Variants in ABCA8 observed in about 807,000 individuals in gnomAD.
ABCA8 encodes ATP binding cassette subfamily A member 8, also known as ABC-type organic anion transporter ABCA8.
In ABCA8, 177 loss-of-function variants were observed where a neutral mutation model predicts 192.3. The observed-to-expected ratio is 0.92, with a 90% CI of 0.81 to 1.04. ABCA8 has a LOEUF of 1.04. Among genes scored for constraint, ABCA8 ranks in the 50% least tolerant of loss-of-function variants. ABCA8 has a pLI of 0.00. For synonymous variants in ABCA8, 642 were observed against 690.2 expected (o/e 0.93, Z 1.09); for missense variants, 1,915 against 1,904.8 (o/e 1.01, Z -0.10).
At chr17:68,884,005 A>C (rs376979879) in intron 28 of ABCA8, 123 bp from the exon 29 acceptor site, 2 of 684,254 alleles carry the variant, frequency 2.9e-6, no homozygotes, top group South Asian at 2.0e-5. Flanking sequence ...CAAACTCCTA[A>C]TAACCTATCC....
rs1372564774 is a variant in ABCA8, at chr17:68,894,988, CTG to C, written c.2788_2789del (p.Gln930ValfsTer17). On this transcript the variant is annotated frameshift_variant, in exon 22 of 40. Coordinates refer to ENST00000586539, the MANE Select transcript of ABCA8 (RefSeq NM_001288985.2). LOFTEE classifies it high-confidence loss of function. Reference protein sequence around the residue: ...KTGASIDDFIQSVEHQNIALE... With the variant: ...KTGASIDDFIXSVEHQNIALE... ...AAGCTATGTTCTGGTGCTCCACAGA[CTG>C]TATAAAGTCATCAATGCTTGCCCCT... 1 of 1,612,494 alleles carries C rather than the reference CTG, an allele frequency of 6.2e-7. No individual in the cohort carries two copies. The highest frequency in any genetic ancestry group is 8.5e-7 in the Non-Finnish European group (1 of 1,179,442).
rs778129655 is a variant in ABCA8 at position 68,932,441 on chromosome 17, A to G, written c.644T>C (p.Ile215Thr). The G allele has an allele frequency of 1.2e-6, 2 of 1,614,146 alleles. No individual in the cohort carries two copies. Among genetic ancestry groups the G allele is most frequent in the East Asian group, 2.2e-5 (1 of 44,874 alleles). Reference protein sequence around the residue: ...TGKNMKMHSFIGQSGVITDLY... With the variant: ...TGKNMKMHSFTGQSGVITDLY... ...ATCAGTTATAACTCCTGATTGACCAATGAAGGAATGCATCTTCATATTTTT... is the reference window on the plus strand; with the variant it reads ...ATCAGTTATAACTCCTGATTGACCAGTGAAGGAATGCATCTTCATATTTTT... The change falls in exon 7 of 40, where the codon ATT becomes ACT. Residue 215 changes from isoleucine to threonine, a missense_variant. Ile to Thr is a moderately conservative substitution (Grantham distance 89). Coordinates refer to ENST00000586539, the MANE Select transcript of ABCA8 (RefSeq NM_001288985.2).
intron 23 of ABCA8, 39 bp downstream of exon 23, chr17:68,894,134 T>G (rs770098762): frequency 1.3e-6 from 2 of 1,599,146 alleles, no homozygotes; most frequent in East Asian, 2.2e-5. Context: ...AGATTCCTGA[T>G]AGAGGAGAGT....
chr17:68,902,848 G>A lies in ABCA8; in HGVS notation c.2629C>T (p.Leu877Phe), dbSNP rs529671294. 6.2e-7 allele frequency: 1 copy of A among 1,613,332 alleles called. No homozygotes were observed. Among genetic ancestry groups the A allele is most frequent in the Non-Finnish European group, 8.5e-7 (1 of 1,179,714 alleles). ...LLILMAGFCPLLVEYTMVKIY... is the reference protein window; with the variant it reads ...LLILMAGFCPFLVEYTMVKIY... ...TTCACCATGGTATACTCCACAAGAAGAGGGCAAAATCCAGCCATTAGAATT... is the reference window on the plus strand; with the variant it reads ...TTCACCATGGTATACTCCACAAGAAAAGGGCAAAATCCAGCCATTAGAATT... Residue 877 changes from leucine to phenylalanine, a missense_variant, in exon 21 of 40, where the codon CTT becomes TTT. Transcript: ENST00000586539.
chr17:68,868,406 C>A (rs747253015), intron 38 of ABCA8, 50 bp from the exon 39 acceptor site: 1 of 1,484,762 alleles, frequency 6.7e-7, no homozygotes, highest in South Asian at 1.1e-5. Flanking sequence ...ATCTAGAGGT[C>A]TCATAAATCA....
At chr17:68,907,673 T>C (rs1028146691) in intron 18 of ABCA8, 67 bp downstream of exon 18, 1 of 1,352,160 alleles carries the variant, frequency 7.4e-7, no homozygotes, top group Non-Finnish European at 9.8e-7. Flanking sequence ...TTAGTTGTAA[T>C]GATAATAATT....
intron 10 of ABCA8, among the ~76,000 whole-genome samples, chr17:68,925,216 C>T (rs148063737): frequency 1.3e-5 from 2 of 151,506 alleles, no homozygotes; most frequent in East Asian, 3.9e-4. Context: ...GGTGTCATTA[C>T]ATAGGCAAAG....
intron 20 of ABCA8, 81 bp downstream of exon 20, chr17:68,903,220 T>G (rs2066960177): frequency 2.7e-6 from 4 of 1,459,406 alleles, no homozygotes; most frequent in Non-Finnish European, 3.8e-6. Flanking sequence ...TCTTTGTGTT[T>G]TTTTGCTTGC....
At position 68,868,135 on chromosome 17, in the gene ABCA8, C is replaced by T. The variant is rs2065960355; in HGVS notation, c.4816G>A (p.Asp1606Asn). 4 of 1,613,226 alleles carry T rather than the reference C, an allele frequency of 2.5e-6. No homozygotes were observed. The highest frequency in any genetic ancestry group is 3.4e-6 in the Non-Finnish European group (4 of 1,179,600). The change falls in exon 40 of 40, where the codon GAT becomes AAT. Residue 1606 changes from aspartate to asparagine, a missense_variant. Asp to Asn is a conservative substitution (Grantham distance 23). Coordinates refer to ENST00000586539, the MANE Select transcript of ABCA8 (RefSeq NM_001288985.2). ...KEQELGDFEE[D>N]FDPSVKWKLL... ...TTCCACTTCACTGAGGGATCAAAAT[C>T]CTCCTCAAAATCACCCAGCTCCTGC...
chr17:68,872,421 C>T (rs1422799415), intron 37 of ABCA8, among the ~76,000 whole-genome samples: 1 of 111,676 alleles, frequency 9.0e-6, no homozygotes, highest in African/African-American at 3.6e-5. Flanking sequence ...CACTCTGGGA[C>T]TGTTGTGGGG....
rs115057622 is a variant in ABCA8, at chr17:68,938,254, G to A, written c.302-1139C>T. ...AGGCGCCGTTGGAAAGCATATTTTG[G>A]ATAACTCACAGGAAGGAAAAGTCCA... On this transcript the variant is annotated intron_variant, in intron 4 of 39. Transcript: ENST00000586539. Among the ~76,000 whole-genome samples, 477 of 152,154 alleles carry A rather than the reference G, an allele frequency of 3.1e-3. 3 individuals are homozygous for A. The highest frequency in any genetic ancestry group is 0.011 in the African/African-American group (463 of 41,530).
chr17:68,899,734 C>A (rs4968826), intron 21 of ABCA8, among the ~76,000 whole-genome samples: 125,197 of 152,002 alleles, frequency 0.82, 52,164 homozygotes, highest in East Asian at 1. Context: ...ACATCCAAAA[C>A]GGTTGAAATT....
chr17:68,905,043 T>C (rs2067028649), intron 19 of ABCA8, among the ~76,000 whole-genome samples: 1 of 152,220 alleles, frequency 6.6e-6, no homozygotes, highest in Non-Finnish European at 1.5e-5. Flanking sequence ...GATTCTACCT[T>C]TAAAACATTC....
rs1401356183 is a variant in ABCA8 at position 68,933,167 on chromosome 17, C to A, written c.570+1G>T. 2 of 1,604,704 alleles carry A rather than the reference C, an allele frequency of 1.2e-6. No individual in the cohort carries two copies. The highest frequency in any genetic ancestry group is 1.3e-5 in the African/African-American group (1 of 74,684). ...GTTTGCTTTGAACATTTTGTACTCA[C>A]TTCTATAATAGCAGCATTAATGGCA... is the stretch of plus-strand genomic sequence containing the variant. On this transcript the variant is annotated splice_donor_variant, in intron 6 of 39. Coordinates refer to ENST00000586539, the MANE Select transcript of ABCA8 (RefSeq NM_001288985.2). LOFTEE classifies it high-confidence loss of function.
Position 68,868,148 on chromosome 17 carries a change from A to G in ABCA8, c.4803T>C (p.Gly1601=), listed in dbSNP as rs1267379981. 1 of 1,613,198 alleles carries G rather than the reference A, an allele frequency of 6.2e-7. No homozygotes were observed. The highest frequency in any genetic ancestry group is 1.7e-5 in the Admixed American group (1 of 59,840). ...FLELSKEQEL[G]DFEEDFDPSV... ...AGGGATCAAAATCCTCCTCAAAATC[A>G]CCCAGCTCCTGCTCCTTGGAGAGCT... Residue 1601 remains glycine, a synonymous_variant, in exon 40 of 40, where the codon GGT becomes GGC. Coordinates refer to ENST00000586539, the MANE Select transcript of ABCA8 (RefSeq NM_001288985.2).
rs1348183211 is a variant in ABCA8, at chr17:68,911,150, G to T, written c.2139-3271C>A. ...CACCAAGCGGACTCCTGGGGTCCTGGATTCTAGGCCTTGGCTCCTGGATCT... is the reference window on the plus strand; with the variant it reads ...CACCAAGCGGACTCCTGGGGTCCTGTATTCTAGGCCTTGGCTCCTGGATCT... On this transcript the variant is annotated intron_variant, in intron 17 of 39. Coordinates refer to ENST00000586539, the MANE Select transcript of ABCA8 (RefSeq NM_001288985.2). This position sits in a 1 kb window ranked among gnomAD's most constrained non-coding sequence, Gnocchi z 5.7. 1.3e-5 allele frequency among the ~76,000 whole-genome samples: 2 copies of T among 152,180 alleles called. No individual in the cohort carries two copies.
intron 5 of ABCA8, 52 bp from the exon 6 acceptor site, chr17:68,933,323 G>A: frequency 1.7e-6 from 2 of 1,185,224 alleles, no homozygotes; most frequent in Non-Finnish European, 2.5e-6. Flanking sequence ...CTATATTATT[G>A]AAATATGATT....
intron 17 of ABCA8, among the ~76,000 whole-genome samples, chr17:68,909,816 C>A (rs2067186840): frequency 6.6e-6 from 1 of 152,026 alleles, no homozygotes; most frequent in Non-Finnish European, 1.5e-5. Context: ...ATCCTATTTT[C>A]TTTGTATTGT....
Position 68,868,035 on chromosome 17 carries a change from T to C in ABCA8, c.*50A>G. The C allele has an allele frequency of 7.9e-7, 1 of 1,266,842 alleles. No individual in the cohort carries two copies. Among genetic ancestry groups the C allele is most frequent in the Non-Finnish European group, 1.1e-6 (1 of 902,858 alleles). 78.5% of individuals were successfully genotyped at this position (1,266,842 alleles called of 1,614,324 possible). On this transcript the variant is annotated 3_prime_UTR_variant, in exon 40 of 40. Transcript: ENST00000586539. Reference sequence around the variant, plus strand: ...AGAACATTGCTGCTATAAAAATAAATGTATTTAAAAAAAACCACGGGTTTA... The same window carrying C: ...AGAACATTGCTGCTATAAAAATAAACGTATTTAAAAAAAACCACGGGTTTA...
Sources: allele counts gnomAD v4.1 joint callset (sites outside exome capture counted in the v4.1 genomes callset), GRCh38; gene constraint gnomAD v4.1.1; non-coding constraint Gnocchi (gnomAD v3.1); transcripts MANE v1.5; gene names NCBI Gene and HGNC (gene_info 2026-07-23, HGNC 2026-07-21).